Variants in VAMP7 observed in about 807,000 individuals in gnomAD.
VAMP7 encodes the protein vesicle associated membrane protein 7, also known as vesicle-associated membrane protein 7.
In VAMP7, 14 loss-of-function variants were observed where a neutral mutation model predicts 29.6. The observed-to-expected ratio is 0.47, with a 90% CI of 0.31 to 0.74. VAMP7 has a LOEUF of 0.74. VAMP7 is among the 30% of genes least tolerant of loss of function. The probability of loss-of-function intolerance (pLI) is 0.05; values close to 1 mark genes in which losing one functional copy is unlikely to be tolerated. For synonymous variants in VAMP7, 95 were observed against 88.1 expected (o/e 1.08, Z -0.44); for missense variants, 223 against 262.4 (o/e 0.85, Z 1.04).
At chrX:155,897,872 A>G (rs1053942532) in intron 3 of VAMP7, among the ~76,000 whole-genome samples, 1 of 152,136 alleles carries the variant, frequency 6.6e-6, no homozygotes, top group African/African-American at 2.4e-5. Flanking sequence ...TCAGTTGTCA[A>G]TGACCAGATA....
At chrX:155,939,011 T>C (rs1289008309) in intron 6 of VAMP7, among the ~76,000 whole-genome samples, 2 of 152,190 alleles carry the variant, frequency 1.3e-5, no homozygotes, top group Non-Finnish European at 2.9e-5. Context: ...TTTGGGTGGT[T>C]TCCAGTTTAA....
intron 6 of VAMP7, among the ~76,000 whole-genome samples, chrX:155,938,030 A>T (rs1289870602): frequency 1.3e-5 from 2 of 152,098 alleles, no homozygotes; most frequent in Non-Finnish European, 2.9e-5. Flanking sequence ...TAGTTTTTGG[A>T]ATGTTGTCAT....
intron 1 of VAMP7, among the ~76,000 whole-genome samples, chrX:155,883,650 C>T (rs1026289810): frequency 2.5e-4 from 38 of 151,698 alleles, no homozygotes; most frequent in Admixed American, 3.9e-4. Context: ...AGTTGTATAA[C>T]CTCTGTTCAC....
chrX:155,924,664 C>A (rs1243460477), intron 6 of VAMP7, among the ~76,000 whole-genome samples: 1 of 152,152 alleles, frequency 6.6e-6, no homozygotes, highest in Non-Finnish European at 1.5e-5. Flanking sequence ...TGGAGGGTCT[C>A]ACCTTGATGT....
At chrX:155,926,251 G>A (rs375305290) in intron 6 of VAMP7, among the ~76,000 whole-genome samples, 1 of 152,136 alleles carries the variant, frequency 6.6e-6, no homozygotes, top group Admixed American at 6.5e-5. Context: ...GTCCTAGATG[G>A]CATCTTCTTC....
At chrX:155,901,225 G>T (rs937518564) in intron 5 of VAMP7, among the ~76,000 whole-genome samples, 1 of 151,970 alleles carries the variant, frequency 6.6e-6, no homozygotes, top group African/African-American at 2.4e-5. Flanking sequence ...ATCAAAATGC[G>T]CAAACGTTTT....
intron 5 of VAMP7, among the ~76,000 whole-genome samples, chrX:155,907,836 C>T (rs1017448071): frequency 9.9e-5 from 15 of 152,124 alleles, no homozygotes; most frequent in South Asian, 6.2e-4. Context: ...CTCCTCACTT[C>T]GCAGACGGGG....
At chrX:155,923,399 A>G (rs941200286) in intron 6 of VAMP7, among the ~76,000 whole-genome samples, 2 of 150,978 alleles carry the variant, frequency 1.3e-5, no homozygotes, top group Non-Finnish European at 3.0e-5. Flanking sequence ...CAGGTTTGGT[A>G]TGTCTGAGAA....
At chrX:155,889,838 T>TG (rs35271484) in intron 2 of VAMP7, among the ~76,000 whole-genome samples, 152,263 of 152,264 alleles carry the variant, frequency 1, 76,131 homozygotes, top group Non-Finnish European at 1. Context: ...TGAAGAAAGA[T>TG]GAAATGTTAA....
At chrX:155,901,236 C>T (rs1243083716) in intron 5 of VAMP7, among the ~76,000 whole-genome samples, 7 of 151,982 alleles carry the variant, frequency 4.6e-5, no homozygotes, top group Admixed American at 1.3e-4. Flanking sequence ...CAAACGTTTT[C>T]GTGGTTCTTG....
At chrX:155,940,836 T>C (rs1297089459) in intron 7 of VAMP7, among the ~76,000 whole-genome samples, 1 of 152,158 alleles carries the variant, frequency 6.6e-6, no homozygotes, top group African/African-American at 2.4e-5. Context: ...TTCAACCTAT[T>C]CATTAATAAA....
chrX:155,893,467 C>CTA (rs1380111043), intron 2 of VAMP7, among the ~76,000 whole-genome samples: 1 of 152,164 alleles, frequency 6.6e-6, no homozygotes, highest in Non-Finnish European at 1.5e-5. Flanking sequence ...GGGAAAGGGA[C>CTA]TATGATATAA....
intron 7 of VAMP7, 44 bp from the exon 8 acceptor site, chrX:155,941,839 A>G (rs377236940): frequency 3.1e-6 from 5 of 1,593,330 alleles, no homozygotes; most frequent in East Asian, 4.5e-5. Flanking sequence ...TTAGAATAAT[A>G]TGATTGATTC....
Position 155,900,571 on chromosome X carries a change from C to A in VAMP7, c.417C>A (p.Ile139=). 1.2e-6 allele frequency: 2 copies of A among 1,608,178 alleles called. No homozygotes were observed. Residue 139 remains isoleucine (I), a synonymous_variant, in exon 5 of 8, where the codon ATC becomes ATA. Transcript: ENST00000286448. The part of the protein sequence containing the change: ...TQAQVDELKG[I]MVRNIDLVAQ... ...CCCAAGTGGATGAACTGAAAGGAAT[C>A]ATGGTCAGAAACATAGGTATGTTTC...
intron 3 of VAMP7, among the ~76,000 whole-genome samples, chrX:155,896,152 AT>A (rs2065984855): frequency 6.6e-6 from 1 of 152,164 alleles, no homozygotes; most frequent in South Asian, 2.1e-4. Context: ...AATATTTTGC[AT>A]TTGTCATATA....
intron 6 of VAMP7, among the ~76,000 whole-genome samples, chrX:155,927,417 A>AC (rs1021728252): frequency 2.0e-5 from 3 of 150,832 alleles, no homozygotes; most frequent in East Asian, 1.9e-4. Flanking sequence ...GGAAAAAAAA[A>AC]AAACAAACCA....
rs1312056711 is a variant in VAMP7 at position 155,898,229 on chromosome X, A to G, written c.322A>G (p.Ser108Gly). Residue 108 changes from serine (S) to glycine (G), a missense_variant, in exon 4 of 8, where the codon AGT becomes GGT. Ser to Gly is a moderately conservative substitution (Grantham distance 56, BLOSUM62 0). Coordinates refer to ENST00000286448, the MANE Select transcript of VAMP7 (RefSeq NM_005638.6). Reference protein sequence around the residue: ...LPYAMNSEFSSVLAAQLKHHS... With the variant: ...LPYAMNSEFSGVLAAQLKHHS... ...ATATGCCATGAATAGCGAGTTCTCA[A>G]GTGTCTTAGCTGCACAGCTGGTAAG... The G allele has an allele frequency of 6.2e-7, 1 of 1,613,512 alleles. No homozygotes were observed. The highest frequency in any genetic ancestry group is 1.3e-5 in the African/African-American group (1 of 75,010).
In VAMP7 at chrX:155,942,775, G is replaced by C. The variant is rs1381226763; in HGVS notation, c.*824G>C. 2 of 152,186 alleles carry C rather than the reference G, an allele frequency of 1.3e-5. No homozygotes were observed. The highest frequency in any genetic ancestry group is 2.9e-5 in the Non-Finnish European group (2 of 68,158). 9.4% of individuals were successfully genotyped at this position (152,186 alleles called of 1,614,324 possible). On this transcript the variant is annotated 3_prime_UTR_variant, in exon 8 of 8. Coordinates refer to ENST00000286448, the MANE Select transcript of VAMP7 (RefSeq NM_005638.6). ...AATATGTAGTAGAGGGGGTGGGGAG[G>C]TAAATTCCTCTGACTTGCCAAAGAA... is the stretch of plus-strand genomic sequence containing the variant.
intron 2 of VAMP7, among the ~76,000 whole-genome samples, chrX:155,893,056 G>C (rs771953461): frequency 1.3e-5 from 2 of 152,152 alleles, no homozygotes; most frequent in East Asian, 3.9e-4. Context: ...CCTGGCCTCA[G>C]ACTGTATTAT....
Sources: allele counts gnomAD v4.1 joint callset (sites outside exome capture counted in the v4.1 genomes callset), GRCh38; gene constraint gnomAD v4.1.1; transcripts MANE v1.5; gene names NCBI Gene and HGNC (gene_info 2026-07-23, HGNC 2026-07-21).